Variants in RBMS3 observed in about 807,000 individuals in gnomAD.
RBMS3 encodes RNA binding motif single stranded interacting protein 3, also known as RNA-binding motif, single-stranded-interacting protein 3.
Under a neutral mutation model 66.8 loss-of-function variants are expected in RBMS3, and 27 were observed. The observed-to-expected ratio is 0.40, with a 90% CI of 0.30 to 0.56. The LOEUF is 0.56. Among genes scored for constraint, RBMS3 ranks in the 20% least tolerant of loss-of-function variants. The probability of loss-of-function intolerance (pLI) is 0.40; values close to 1 mark genes in which losing one functional copy is unlikely to be tolerated. For missense variants in RBMS3, 513 were observed against 549.5 expected, an observed-to-expected ratio of 0.93 and a Z score of 0.66; for synonymous variants, 188 against 183.0, an observed-to-expected ratio of 1.03 and a Z score of -0.22.
chr3:29,958,224 A>C (rs1696175510), intron 12 of RBMS3, among the ~76,000 whole-genome samples: 2 of 152,296 alleles, frequency 1.3e-5, no homozygotes, highest in Admixed American at 1.3e-4. Flanking sequence ...TCTGCAAGAA[A>C]TATAATGTTT....
At chr3:29,999,483 A>G (rs1451817131) in intron 14 of RBMS3, among the ~76,000 whole-genome samples, 1 of 152,212 alleles carries the variant, frequency 6.6e-6, no homozygotes, top group Non-Finnish European at 1.5e-5. Context: ...TAGCGGCACT[A>G]TTCACAATAG....
At chr3:29,377,492 C>A (rs577346826) in intron 1 of RBMS3, among the ~76,000 whole-genome samples, 1 of 152,270 alleles carries the variant, frequency 6.6e-6, no homozygotes, top group East Asian at 1.9e-4. Flanking sequence ...GACCCCGCTG[C>A]CTACCTGACT....
intron 4 of RBMS3, among the ~76,000 whole-genome samples, chr3:29,733,464 C>T (rs1352447605): frequency 1.3e-5 from 2 of 151,790 alleles, no homozygotes; most frequent in Non-Finnish European, 2.9e-5. Context: ...AATGGCTATA[C>T]TAATTTACAT....
At chr3:29,329,075 T>A (rs1390641407) in intron 1 of RBMS3, among the ~76,000 whole-genome samples, 2 of 152,166 alleles carry the variant, frequency 1.3e-5, no homozygotes, top group Non-Finnish European at 2.9e-5. Flanking sequence ...AAATGTAAAT[T>A]AAGGTTCAGT....
intron 6 of RBMS3, among the ~76,000 whole-genome samples, chr3:29,829,864 A>G (rs979208094): frequency 1.3e-5 from 2 of 152,150 alleles, no homozygotes; most frequent in Non-Finnish European, 2.9e-5. Flanking sequence ...TTTACACTGC[A>G]TTGCAGTCCC....
intron 1 of RBMS3, among the ~76,000 whole-genome samples, chr3:29,289,517 A>G (rs1031132522): frequency 6.6e-6 from 1 of 151,946 alleles, no homozygotes; most frequent in Non-Finnish European, 1.5e-5. Context: ...ACAGTTAACT[A>G]TGTTCCTAAT....
intron 10 of RBMS3, among the ~76,000 whole-genome samples, chr3:29,909,460 A>G (rs887047602): frequency 5.9e-5 from 9 of 152,128 alleles, no homozygotes; most frequent in African/African-American, 1.4e-4. Context: ...ATATTCCTAA[A>G]TAATTTTGGA....
chr3:29,434,625 G>C, intron 1 of RBMS3, 118 bp from the exon 2 acceptor site: 2 of 1,329,098 alleles, frequency 1.5e-6, no homozygotes, highest in Non-Finnish European at 2.1e-6. Flanking sequence ...ATGTGTGTGT[G>C]TATGTACGTG....
chr3:29,664,505 T>G (rs980224067), intron 4 of RBMS3, among the ~76,000 whole-genome samples: 10 of 151,986 alleles, frequency 6.6e-5, no homozygotes, highest in Non-Finnish European at 1.2e-4. Context: ...GTAATCTTAG[T>G]GACAAGTCAT....
chr3:29,288,194 T>G (rs2032521454), intron 1 of RBMS3, among the ~76,000 whole-genome samples: 1 of 152,004 alleles, frequency 6.6e-6, no homozygotes, highest in South Asian at 2.1e-4. Context: ...CCTTCCATTG[T>G]GAGATAGCTG....
intron 4 of RBMS3, among the ~76,000 whole-genome samples, chr3:29,695,134 T>TA (rs1216210108): frequency 1.3e-5 from 2 of 152,286 alleles, no homozygotes; most frequent in South Asian, 2.1e-4. Context: ...GTTTTACTCT[T>TA]ACTACTACTG....
chr3:29,329,856 T>C (rs1341518018), intron 1 of RBMS3, among the ~76,000 whole-genome samples: 1 of 147,926 alleles, frequency 6.8e-6, no homozygotes, highest in Non-Finnish European at 1.5e-5. Flanking sequence ...TTTTAATATA[T>C]ATTAACTATA....
intron 4 of RBMS3, among the ~76,000 whole-genome samples, chr3:29,737,134 G>GCC: frequency 6.6e-6 from 1 of 152,048 alleles, no homozygotes; most frequent in South Asian, 2.1e-4. Flanking sequence ...CCGCCACCAG[G>GCC]CTGTCTAACT....
intron 12 of RBMS3, among the ~76,000 whole-genome samples, chr3:29,946,373 T>C (rs1247913566): frequency 6.6e-6 from 1 of 151,688 alleles, no homozygotes; most frequent in African/African-American, 2.4e-5. Flanking sequence ...ATTGTTTTAA[T>C]TGATTGTAGT....
intron 1 of RBMS3, among the ~76,000 whole-genome samples, chr3:29,370,951 T>C (rs1456166124): frequency 1.3e-5 from 2 of 152,220 alleles, no homozygotes; most frequent in Admixed American, 1.3e-4. Context: ...TGGATCCAGC[T>C]GTCTGGAAGA....
chr3:29,859,486 A>G (rs1249099905), intron 6 of RBMS3, among the ~76,000 whole-genome samples: 1 of 152,220 alleles, frequency 6.6e-6, no homozygotes, highest in Non-Finnish European at 1.5e-5. Flanking sequence ...GCCACCAACT[A>G]CCACAAATTA....
intron 2 of RBMS3, among the ~76,000 whole-genome samples, chr3:29,438,398 A>G (rs539138845): frequency 1.3e-5 from 2 of 152,256 alleles, no homozygotes; most frequent in Admixed American, 6.5e-5. Context: ...TGGTATTAGT[A>G]TATTATATCC....
chr3:29,312,594 G>A (rs2034445880), intron 1 of RBMS3, among the ~76,000 whole-genome samples: 1 of 151,380 alleles, frequency 6.6e-6, no homozygotes, highest in African/African-American at 2.4e-5. Flanking sequence ...TTATATCTGT[G>A]TATCTTTTTC....
intron 4 of RBMS3, among the ~76,000 whole-genome samples, chr3:29,648,324 G>C (rs1576434984): frequency 7.4e-6 from 1 of 135,742 alleles, no homozygotes. Flanking sequence ...CTGGAGTGCA[G>C]TGGCATGAAC....
Sources: gnomAD v4.1 joint callset for allele counts (sites outside exome capture counted in the v4.1 genomes callset) on GRCh38, gnomAD v4.1.1 for gene constraint, MANE v1.5 for transcripts, NCBI Gene and HGNC (gene_info 2026-07-23, HGNC 2026-07-21) for gene names.